Variants in G6PD observed in about 807,000 individuals in gnomAD.
The protein encoded by G6PD is glucose-6-phosphate dehydrogenase, also known as glucose-6-phosphate 1-dehydrogenase.
G6PD carries 2 observed loss-of-function variants against 38.2 expected under a neutral mutation model. The observed-to-expected ratio is 0.05, with a 90% CI of 0.02 to 0.16. The LOEUF (loss-of-function observed/expected upper bound fraction) is 0.16, where lower values mean the gene tolerates loss of function less well. Ranked by LOEUF, G6PD falls within the 10% of genes least tolerant of loss-of-function variation. The pLI, the probability that G6PD is intolerant of heterozygous loss-of-function variation, is 1.00. For synonymous variants in G6PD, 188 were observed against 196.0 expected (o/e 0.96, Z 0.34); for missense variants, 310 against 471.6 (o/e 0.66, Z 3.17).
chrX:154,533,980 G>A, intron 7 of G6PD, 55 bp downstream of exon 7: 2 of 1,210,040 alleles, frequency 1.7e-6, no homozygotes, highest in Non-Finnish European at 2.2e-6. Flanking sequence ...GCCCTGCAGG[G>A]TGACTGGCTC....
At chrX:154,543,052 C>T (rs782074422) in intron 2 of G6PD, among the ~76,000 whole-genome samples, 17 of 112,124 alleles carry the variant, frequency 1.5e-4, no homozygotes, top group African/African-American at 5.2e-4. Context: ...CCTCCCGCAC[C>T]GAGTGAGGCA....
At position 154,532,801 on chromosome X, in the gene G6PD, C is replaced by A. The variant is rs782533137; in HGVS notation, c.1053G>T (p.Gly351=). ...VLYVENERWD[G]VPFILRCGKA... is the part of the protein sequence containing the mutation. ...TGCCGCAGCGCAGGATGAAGGGCAC[C>A]CCTACGTGGCGGAAAGGGCAGCCTC... The change falls in exon 10 of 13, where the codon GGG becomes GGT. Residue 351 remains glycine (G), a splice_region_variant and synonymous_variant. Transcript: ENST00000393562. The A allele has an allele frequency of 2.5e-6, 3 of 1,206,068 alleles. No individual in the cohort carries two copies. In the East Asian group the frequency reaches 8.9e-5, roughly 36 times the overall value.
rs782432107 is a variant in G6PD, at chrX:154,532,723, G to A, written c.1131C>T (p.Ala377=). 12 of 1,211,919 alleles carry A rather than the reference G, an allele frequency of 9.9e-6. No individual in the cohort carries two copies. The South Asian group carries it at 1.8e-4, about 18-fold the overall frequency. The change falls in exon 10 of 13, where the codon GCC becomes GCT. Residue 377 remains alanine (A), a synonymous_variant. Transcript: ENST00000393562. The stretch of plus-strand genomic sequence containing the variant: ...TGCACTGCTGGTGGAAGATGTCGCC[G>A]GCCACATCATGGAACTGCAGCCTCA... ...AEVRLQFHDV[A]GDIFHQQCKR...
upstream of G6PD, chrX:154,546,876 C>T: frequency 9.3e-7 from 1 of 1,071,629 alleles, no homozygotes; most frequent in Non-Finnish European, 1.2e-6. Flanking sequence ...CCCATTTAAT[C>T]GGCGGGGGCG....
chrX:154,532,212 T>C lies in G6PD; in HGVS notation c.1433A>G (p.Lys478Arg). 1 of 1,209,484 alleles carries C rather than the reference T, an allele frequency of 8.3e-7. No individual in the cohort carries two copies. The highest frequency in any genetic ancestry group is 1.1e-6 in the Non-Finnish European group (1 of 894,571). The change falls in exon 12 of 13, where the codon AAG becomes AGG. Residue 478 changes from lysine to arginine, a missense_variant. Coordinates refer to ENST00000393562, the MANE Select transcript of G6PD (RefSeq NM_001360016.2). ...LLHQIELEKP[K>R]PIPYIYGSRG... The stretch of plus-strand genomic sequence containing the variant: ...CCTGCCATAAATATAGGGGATGGGC[T>C]TGGGCTTCTCCAGCTCAATCTGGTG...
intron 2 of G6PD, among the ~76,000 whole-genome samples, chrX:154,540,883 C>T (rs1015084205): frequency 1.7e-4 from 19 of 111,133 alleles, no homozygotes; most frequent in African/African-American, 3.3e-4. Flanking sequence ...CAGGTGAGCT[C>T]GGTGCCAGGA....
chrX:154,534,453 G>A lies in G6PD; in HGVS notation c.529C>T (p.Leu177=). The A allele has an allele frequency of 8.3e-7, 1 of 1,211,871 alleles. No individual in the cohort carries two copies. The highest frequency in any genetic ancestry group is 1.8e-5 in the South Asian group (1 of 57,027). ...IIVEKPFGRD[L]QSSDRLSNHI... ...TTGGACAGCCGGTCAGAGCTCTGCA[G>A]GTCCCTCCCGAAGGGCTTCTCCACG... The change falls in exon 6 of 13, where the codon CTG becomes TTG. Residue 177 remains leucine (L), a synonymous_variant. Coordinates refer to ENST00000393562, the MANE Select transcript of G6PD (RefSeq NM_001360016.2).
intron 2 of G6PD, among the ~76,000 whole-genome samples, chrX:154,536,886 A>AGGAAATAAT (rs2070414457): frequency 8.9e-6 from 1 of 112,732 alleles, no homozygotes; most frequent in South Asian, 3.6e-4. Context: ...GGAAGAAAAT[A>AGGAAATAAT]GGAAATAATG....
chrX:154,537,957 C>T (rs2070429259), intron 2 of G6PD, among the ~76,000 whole-genome samples: 1 of 109,490 alleles, frequency 9.1e-6, no homozygotes, highest in Admixed American at 9.8e-5. Context: ...TTTGGGAGAC[C>T]AAGGTGGGAG....
In G6PD at chrX:154,546,744, G is replaced by A. The variant is rs782375017; in HGVS notation, c.-9+45C>T. On this transcript the variant is annotated intron_variant, in intron 1 of 12. Coordinates refer to ENST00000393562, the MANE Select transcript of G6PD (RefSeq NM_001360016.2). ...TTTACCGCCGCGCGGCGCAGCGCGGGACAGTACGCTCCTCCGCCTGCGCGG... is the reference window on the plus strand; with the variant it reads ...TTTACCGCCGCGCGGCGCAGCGCGGAACAGTACGCTCCTCCGCCTGCGCGG... The A allele has an allele frequency of 5.8e-6, 6 of 1,035,167 alleles. No individual in the cohort carries two copies. In the East Asian group the frequency reaches 1.4e-4, roughly 23 times the overall value. 85.3% of individuals were successfully genotyped at this position (1,035,167 alleles called of 1,213,427 possible).
chrX:154,542,494 G>C, intron 2 of G6PD: 1 of 1,142,594 alleles, frequency 8.8e-7, no homozygotes, highest in Non-Finnish European at 1.2e-6. Flanking sequence ...TGGGAGTCCT[G>C]AGAAGGCAGG....
rs137852331 is a variant in G6PD at position 154,534,489 on chromosome X, T to C, written c.493A>G (p.Asn165Asp). The C allele has an allele frequency of 6.6e-6, 8 of 1,210,034 alleles. No homozygotes were observed. The East Asian group carries it at 1.2e-4, about 18-fold the overall frequency. The change falls in exon 6 of 13, where the codon AAC becomes GAC. Residue 165 changes from asparagine to aspartate, a missense_variant. Coordinates refer to ENST00000393562, the MANE Select transcript of G6PD (RefSeq NM_001360016.2). Reference protein sequence around the residue: ...HESCMSQIGWNRIIVEKPFGR... With the variant: ...HESCMSQIGWDRIIVEKPFGR... ...AAGGGCTTCTCCACGATGATGCGGTTCCAGCCTCTGCTGGGAGCCCGGAGC... is the reference window on the plus strand; with the variant it reads ...AAGGGCTTCTCCACGATGATGCGGTCCCAGCCTCTGCTGGGAGCCCGGAGC...
chrX:154,532,408 T>C lies in G6PD; in HGVS notation c.1342A>G (p.Ser448Gly). The part of the protein sequence containing the change: ...ERLILDVFCG[S>G]QMHFVRSDEL... ...CACCTGCGCACGAAGTGCATCTGGCTCCCGCAGAAGACGTCCAGGATGAGG... is the reference window on the plus strand; with the variant it reads ...CACCTGCGCACGAAGTGCATCTGGCCCCCGCAGAAGACGTCCAGGATGAGG... The change falls in exon 11 of 13, where the codon AGC (serine) becomes GGC (glycine). Residue 448 changes from serine to glycine, a missense_variant. By Grantham distance (56) the Ser-to-Gly change is moderately conservative. Around this residue, in one of 4 missense-constraint regions of G6PD, gnomAD observed 168 missense variants for 309.2 expected, o/e 0.54. Coordinates refer to ENST00000393562, the MANE Select transcript of G6PD (RefSeq NM_001360016.2). 8.3e-7 allele frequency: 1 copy of C among 1,211,587 alleles called. No individual in the cohort carries two copies. Among genetic ancestry groups the C allele is most frequent in the Non-Finnish European group, 1.1e-6 (1 of 895,423 alleles).
chrX:154,544,317 A>C (rs2070624255), intron 2 of G6PD, among the ~76,000 whole-genome samples: 1 of 109,223 alleles, frequency 9.2e-6, no homozygotes, highest in Admixed American at 9.8e-5. Flanking sequence ...ACGCACCACC[A>C]CGCCCAGCTA....
At chrX:154,545,309 CAAAGA>C (rs1475646663) in intron 2 of G6PD, among the ~76,000 whole-genome samples, 2 of 112,021 alleles carry the variant, frequency 1.8e-5, no homozygotes, top group East Asian at 5.6e-4. Context: ...AGACAGTGTT[CAAAGA>C]AAAGCTAAGT....
At chrX:154,545,176 C>T (rs1159554781) in intron 2 of G6PD, among the ~76,000 whole-genome samples, 1 of 111,390 alleles carries the variant, frequency 9.0e-6, no homozygotes, top group Non-Finnish European at 1.9e-5. Flanking sequence ...CATGGAAATC[C>T]TCATGCTATA....
chrX:154,535,013 G>A (rs189335237), intron 5 of G6PD, 155 bp downstream of exon 5: 7 of 563,799 alleles, frequency 1.2e-5, no homozygotes, highest in Non-Finnish European at 2.1e-5. Context: ...GCGGTGTTTC[G>A]TGGAGCAACG....
chrX:154,546,291 G>A lies in G6PD; in HGVS notation c.-8-128C>T, dbSNP rs1483864344. On this transcript the variant is annotated intron_variant, in intron 1 of 12. Transcript: ENST00000393562. ...CCTGATTGCCCAAATCACTCCTTGT[G>A]AACGGCTGGGCATTGGGGAGTGGTT... The A allele has an allele frequency of 3.3e-6, 3 of 913,055 alleles. No homozygotes were observed. In the African/African-American group the frequency reaches 5.7e-5, roughly 17 times the overall value. 75.2% of individuals were successfully genotyped at this position (913,055 alleles called of 1,213,427 possible). A position where few individuals can be genotyped will look rare whatever the true frequency, so the allele number is the denominator to read the frequency against.
At chrX:154,539,811 C>T (rs886792478) in intron 2 of G6PD, among the ~76,000 whole-genome samples, 6 of 110,329 alleles carry the variant, frequency 5.4e-5, no homozygotes, top group Non-Finnish European at 7.6e-5. Context: ...AAATCTCCAC[C>T]TCCTGGGTTC....
Sources: gnomAD v4.1 joint callset for allele counts (sites outside exome capture counted in the v4.1 genomes callset) on GRCh38, gnomAD v4.1.1 for gene constraint, gnomAD v4.1.1 regional missense constraint, MANE v1.5 for transcripts, NCBI Gene and HGNC (gene_info 2026-07-23, HGNC 2026-07-21) for gene names.